The following CYP4F11 variants were observed in gnomAD, a reference collection of about 807,000 sequenced individuals.
CYP4F11 encodes the protein cytochrome P450 family 4 subfamily F member 11.
In CYP4F11, 79 loss-of-function variants were observed where a neutral mutation model predicts 62.2. The ratio of observed to expected loss-of-function variants is 1.27; its 90% CI spans 1.06 to 1.53. CYP4F11 has a LOEUF of 1.53. CYP4F11 is among the 40% of genes most tolerant of loss of function. The probability of loss-of-function intolerance (pLI) is 0.00; values close to 1 mark genes in which losing one functional copy is unlikely to be tolerated. For synonymous variants in CYP4F11, 290 were observed against 263.7 expected, an observed-to-expected ratio of 1.10 and a Z score of -0.97; for missense variants, 777 against 680.5, an observed-to-expected ratio of 1.14 and a Z score of -1.58.
Position 15,913,795 on chromosome 19 carries a change from C to T in CYP4F11, c.1512G>A (p.Leu504=). The change falls in exon 12 of 12, where the codon CTG becomes CTA. Residue 504 remains leucine (L), a synonymous_variant. Transcript: ENST00000402119. The part of the protein sequence containing the change: ...THTEPRRKPE[L]ILRAEGGLWL... ...AAAGTCCACCCTCTGCGCGCAATAT[C>T]AGCTCGGGTTTCCTGCGGGGTTCAG... 3 of 1,614,214 alleles carry T rather than the reference C, an allele frequency of 1.9e-6. No individual in the cohort carries two copies. Among genetic ancestry groups the T allele is most frequent in the Non-Finnish European group, 2.5e-6 (3 of 1,180,032 alleles).
At position 15,923,976 on chromosome 19, in the gene CYP4F11, C is replaced by T. The variant is rs751868322; in HGVS notation, c.754G>A (p.Asp252Asn). The stretch of plus-strand genomic sequence containing the variant: ...CAGGCCCTGCGGAAGCGCTGCCCAT[C>T]AGGAGTGAGATAATACAGGAAGTCC... ...HTDFLYYLTP[D>N]GQRFRRACHL... is the part of the protein sequence containing the mutation. The change falls in exon 6 of 12, where the codon GAT becomes AAT. Residue 252 changes from aspartate (D) to asparagine (N), a missense_variant. Coordinates refer to ENST00000402119, the MANE Select transcript of CYP4F11 (RefSeq NM_021187.4). The T allele has an allele frequency of 2.0e-5, 32 of 1,614,068 alleles. No homozygotes were observed. In the South Asian group the frequency reaches 3.5e-4, roughly 18 times the overall value.
Position 15,927,489 on chromosome 19 carries a change from A to T in CYP4F11, c.344-6T>A, listed in dbSNP as rs780997028. 6.2e-7 allele frequency: 1 copy of T among 1,613,164 alleles called. No individual in the cohort carries two copies. The highest frequency in any genetic ancestry group is 8.5e-7 in the Non-Finnish European group (1 of 1,179,270). On this transcript the variant is annotated splice_polypyrimidine_tract_variant and splice_region_variant and intron_variant, in intron 2 of 11. Coordinates refer to ENST00000402119, the MANE Select transcript of CYP4F11 (RefSeq NM_021187.4). ...ATCCTTGGGTGCGACAGCAGCTGACATGATTGAGGACCATCAGTGGCCATG... is the reference window on the plus strand; with the variant it reads ...ATCCTTGGGTGCGACAGCAGCTGACTTGATTGAGGACCATCAGTGGCCATG...
In CYP4F11 at chr19:15,912,680, A is replaced by AAAAAT. The variant is rs59091525; in HGVS notation, c.*1051_*1052insATTTT. On this transcript the variant is annotated 3_prime_UTR_variant, in exon 12 of 12. Transcript: ENST00000402119. ...TCACCATCCTCAGGAAAAAAAAAAA[A>AAAAAT]ATATATATATATATATATGTGTGTG... 45 of 66,114 alleles carry AAAAAT rather than the reference A, an allele frequency of 6.8e-4. 1 individual carries two copies. The highest frequency in any genetic ancestry group is 8.3e-3 in the Middle Eastern group (1 of 120). 4.1% of individuals were successfully genotyped at this position (66,114 alleles called of 1,614,324 possible).
upstream of CYP4F11, chr19:15,934,579 A>T (rs1599385662): frequency 1.3e-6 from 1 of 753,296 alleles, no homozygotes; most frequent in Admixed American, 3.3e-5. Flanking sequence ...TGCCCAATGA[A>T]AACCAGCAGC....
chr19:15,913,892 G>T lies in CYP4F11; in HGVS notation c.1415C>A (p.Ala472Glu). 1 of 1,613,356 alleles carries T rather than the reference G, an allele frequency of 6.2e-7. No individual in the cohort carries two copies. ...CACCTTCATCTCAGCCATGGCGAAC[G>T]CCTGCCCGATGCAGTTTCTGGGGGC... ...SAGPRNCIGQ[A>E]FAMAEMKVVL... The change falls in exon 12 of 12, where the codon GCG (alanine) becomes GAG (glutamate). Residue 472 changes from alanine to glutamate, a missense_variant. Ala to Glu is a moderately radical substitution (Grantham distance 107). Coordinates refer to ENST00000402119, the MANE Select transcript of CYP4F11 (RefSeq NM_021187.4).
chr19:15,921,054 G>GTCTCTCTCTC (rs60842401), intron 8 of CYP4F11, among the ~76,000 whole-genome samples: 36 of 122,432 alleles, frequency 2.9e-4, no homozygotes, highest in Middle Eastern at 8.0e-3. Flanking sequence ...CTCTCTTTCT[G>GTCTCTCTCTC]TCTCTCTCTC....
chr19:15,928,622 G>A (rs1458607845), intron 2 of CYP4F11, among the ~76,000 whole-genome samples: 2 of 152,192 alleles, frequency 1.3e-5, no homozygotes, highest in African/African-American at 4.8e-5. Context: ...AGAGACTTCA[G>A]CAGCCAGAGA....
Position 15,914,808 on chromosome 19 carries a change from A to G in CYP4F11, c.1203T>C (p.Cys401=). ...CTGGGAGCACAAAGTCCTGCGTGCA[A>G]CATCGGGAGATGACCGGGACTGGGG... ...LHPPVPVISR[C]CTQDFVLPDG... is the part of the protein sequence containing the mutation. Residue 401 remains cysteine, a synonymous_variant, in exon 9 of 12, where the codon TGT becomes TGC. Transcript: ENST00000402119. 1.2e-6 allele frequency: 2 copies of G among 1,614,178 alleles called. No homozygotes were observed. The highest frequency in any genetic ancestry group is 1.1e-5 in the South Asian group (1 of 91,084).
At position 15,927,340 on chromosome 19, in the gene CYP4F11, C is replaced by T. The variant is rs2089678075; in HGVS notation, c.398-1G>A. On this transcript the variant is annotated splice_acceptor_variant, in intron 3 of 11. Coordinates refer to ENST00000402119, the MANE Select transcript of CYP4F11 (RefSeq NM_021187.4). LOFTEE classifies it high-confidence loss of function. ...CCACCACTCAGCAGGAGCCCATCCC[C>T]TGGCAGGGCAACCAAGGACAGTGGT... is the stretch of plus-strand genomic sequence containing the variant. 5 of 1,614,004 alleles carry T rather than the reference C, an allele frequency of 3.1e-6. No homozygotes were observed. Among genetic ancestry groups the T allele is most frequent in the South Asian group, 1.1e-5 (1 of 91,080 alleles).
At chr19:15,916,494 C>T (rs961042453) in intron 8 of CYP4F11, among the ~76,000 whole-genome samples, 6 of 152,136 alleles carry the variant, frequency 3.9e-5, no homozygotes, top group African/African-American at 9.7e-5. Flanking sequence ...AGGCAACCCA[C>T]ATAGTGGAAG....
In CYP4F11 at chr19:15,924,744, C is replaced by T. The variant is rs1170292822; in HGVS notation, c.647+17G>A. The T allele has an allele frequency of 6.2e-7, 1 of 1,605,696 alleles. No individual in the cohort carries two copies. Among genetic ancestry groups the T allele is most frequent in the Non-Finnish European group, 8.5e-7 (1 of 1,174,716 alleles). ...GGGTTCCAGGCCCAAGTTCTCAGGT[C>T]CTAGGAAAGGACTCACTCCTGACAA... On this transcript the variant is annotated intron_variant, in intron 5 of 11. Coordinates refer to ENST00000402119, the MANE Select transcript of CYP4F11 (RefSeq NM_021187.4).
At position 15,912,896 on chromosome 19, in the gene CYP4F11, C is replaced by T. The variant is rs546341316; in HGVS notation, c.*836G>A. On this transcript the variant is annotated 3_prime_UTR_variant, in exon 12 of 12. Transcript: ENST00000402119. ...TTGCCTTTGAGTTCCAAAACACAGCCTTTAAAGTCGTGGTAGAAATAACGA... is the reference window on the plus strand; with the variant it reads ...TTGCCTTTGAGTTCCAAAACACAGCTTTTAAAGTCGTGGTAGAAATAACGA... 5.3e-5 allele frequency: 8 copies of T among 150,522 alleles called. No individual in the cohort carries two copies. In the South Asian group the frequency reaches 1.7e-3, roughly 32 times the overall value. The allele number at this position is 150,522 out of a possible 1,614,324, so 9.3% of individuals were successfully genotyped here.
rs375686924 is a variant in CYP4F11, at chr19:15,922,443, C to T, written c.919-13G>A. The T allele has an allele frequency of 6.2e-7, 1 of 1,613,780 alleles. No individual in the cohort carries two copies. Among genetic ancestry groups the T allele is most frequent in the Non-Finnish European group, 8.5e-7 (1 of 1,179,740 alleles). On this transcript the variant is annotated splice_polypyrimidine_tract_variant and intron_variant, in intron 6 of 11. Transcript: ENST00000402119. ...TCCCATCTTCATCCTGGAGAGAAGG[C>T]AAGACAATATCCCTGCCCCAAATCA...
chr19:15,931,623 A>G (rs62104232), intron 1 of CYP4F11, among the ~76,000 whole-genome samples: 2,922 of 33,508 alleles, frequency 0.087, 102 homozygotes, highest in African/African-American at 0.13. Context: ...TGAGTGAGCG[A>G]GGAGAGGAAT....
At chr19:15,927,776 G>A in intron 2 of CYP4F11, 2 of 429,570 alleles carry the variant, frequency 4.7e-6, no homozygotes, top group Admixed American at 3.8e-5. Flanking sequence ...TCTACAGAAT[G>A]CCTTTACAGG....
At chr19:15,919,972 A>G (rs763713523) in intron 8 of CYP4F11, among the ~76,000 whole-genome samples, 9 of 152,236 alleles carry the variant, frequency 5.9e-5, no homozygotes, top group Non-Finnish European at 1.2e-4. Flanking sequence ...AGTTTCCATT[A>G]GACGGGAGGA....
rs377289027 is a variant in CYP4F11 at position 15,927,337 on chromosome 19, C to T, written c.400G>A (p.Asp134Asn). The change falls in exon 4 of 12, where the codon GAT becomes AAT. Residue 134 changes from aspartate to asparagine, a missense_variant and splice_region_variant. Coordinates refer to ENST00000402119, the MANE Select transcript of CYP4F11 (RefSeq NM_021187.4). ...FYGFLKPWLG[D>N]GLLLSGGDKW... Reference sequence around the variant, plus strand: ...TCACCACCACTCAGCAGGAGCCCATCCCCTGGCAGGGCAACCAAGGACAGT... The same window carrying T: ...TCACCACCACTCAGCAGGAGCCCATTCCCTGGCAGGGCAACCAAGGACAGT... 3.1e-6 allele frequency: 5 copies of T among 1,613,968 alleles called. No individual in the cohort carries two copies. The African/African-American group carries it at 6.7e-5, about 22-fold the overall frequency.
rs548469560 is a variant in CYP4F11 at position 15,922,915 on chromosome 19, G to A, written c.919-485C>T. Among the ~76,000 whole-genome samples, 6 of 152,262 alleles carry A rather than the reference G, an allele frequency of 3.9e-5. No homozygotes were observed. In the East Asian group the frequency reaches 1.2e-3, roughly 29 times the overall value. On this transcript the variant is annotated intron_variant, in intron 6 of 11. Coordinates refer to ENST00000402119, the MANE Select transcript of CYP4F11 (RefSeq NM_021187.4). ...CTAAAAAAAAAATTAGCCTGGCATG[G>A]TGTTGCATGCCTGTAATCCCAGCTC...
At chr19:15,931,542 G>GAGGACTT (rs1310321753) in intron 1 of CYP4F11, among the ~76,000 whole-genome samples, 1 of 102,626 alleles carries the variant, frequency 9.7e-6, no homozygotes, top group Non-Finnish European at 2.2e-5. Context: ...ATGAGTGAGC[G>GAGGACTT]GGGAGAGGAA....
Sources: allele counts gnomAD v4.1 joint callset (sites outside exome capture counted in the v4.1 genomes callset), GRCh38; gene constraint gnomAD v4.1.1; transcripts MANE v1.5; gene names NCBI Gene and HGNC (gene_info 2026-07-23, HGNC 2026-07-21).